The following VPS51 variants were observed in gnomAD, a reference collection of about 807,000 sequenced individuals.
VPS51 encodes VPS51 subunit of GARP complex, also known as vacuolar protein sorting-associated protein 51 homolog.
In VPS51, 55 loss-of-function variants were observed where a neutral mutation model predicts 65.1. The observed-to-expected ratio is 0.84, with a 90% confidence interval of 0.68 to 1.06. The LOEUF (loss-of-function observed/expected upper bound fraction) is 1.06. VPS51 is among the 50% of genes least tolerant of loss of function. VPS51 has a pLI of 0.00. For synonymous variants in VPS51, 473 were observed against 489.5 expected (o/e 0.97, Z 0.44); for missense variants, 943 against 1,101.6 (o/e 0.86, Z 2.04).
rs1294134692 is a variant in VPS51 at position 65,109,794 on chromosome 11, G to A, written c.1749G>A (p.Gln583=). The change falls in exon 7 of 10, where the codon CAG becomes CAA. Residue 583 remains glutamine, a synonymous_variant. Transcript: ENST00000279281. Reference sequence around the variant, plus strand: ...TGCTGACCCACTACGTGAAGGTGCAGGGCCTGGTCATATCACAGATGCTGC... The same window carrying A: ...TGCTGACCCACTACGTGAAGGTGCAAGGCCTGGTCATATCACAGATGCTGC... ...RRLLTHYVKV[Q]GLVISQMLRK... is the part of the protein sequence containing the mutation. The A allele has an allele frequency of 6.2e-7, 1 of 1,608,014 alleles. No homozygotes were observed. The highest frequency in any genetic ancestry group is 1.1e-5 in the South Asian group (1 of 89,714).
Position 65,100,550 on chromosome 11 carries a change from A to G in VPS51, c.358+3423A>G, listed in dbSNP as rs1328576963. 4.7e-5 allele frequency among the ~76,000 whole-genome samples: 3 copies of G among 64,348 alleles called. No homozygotes were observed. In the South Asian group the frequency reaches 1.5e-3, roughly 31 times the overall value. 42.2% of individuals were successfully genotyped at this position (64,348 alleles called of 152,430 possible). ...GTTTTTTTTTTTTTTTTTTTTTTTG[A>G]GATGGAGTCTAGCTCTGTCACCCAG... On this transcript the variant is annotated intron_variant, in intron 2 of 9. Coordinates refer to ENST00000279281, the MANE Select transcript of VPS51 (RefSeq NM_013265.4).
chr11:65,110,370 AC>A, intron 7 of VPS51, 111 bp from the exon 8 acceptor site: 1 of 1,569,000 alleles, frequency 6.4e-7, no homozygotes, highest in Non-Finnish European at 8.7e-7. Flanking sequence ...CGCGGTGATT[AC>A]CCTGTGATCC....
intron 2 of VPS51, among the ~76,000 whole-genome samples, chr11:65,104,841 C>T (rs918839684): frequency 2.6e-5 from 4 of 152,216 alleles, no homozygotes; most frequent in Non-Finnish European, 4.4e-5. Flanking sequence ...CAAGCCGCCG[C>T]AACACCCCTG....
chr11:65,108,224 G>A lies in VPS51; in HGVS notation c.753G>A (p.Gln251=), dbSNP rs761326997. The A allele has an allele frequency of 6.2e-7, 1 of 1,600,250 alleles. No homozygotes were observed. The highest frequency in any genetic ancestry group is 1.1e-5 in the South Asian group (1 of 89,496). The part of the protein sequence containing the change: ...FREGGSGAPE[Q]AECVELLLAL... Reference sequence around the variant, plus strand: ...AGGGCGGCTCAGGCGCCCCGGAGCAGGCAGAGTGCGTGGAGCTGCTGCTGG... The same window carrying A: ...AGGGCGGCTCAGGCGCCCCGGAGCAAGCAGAGTGCGTGGAGCTGCTGCTGG... The change falls in exon 5 of 10, where the codon CAG becomes CAA. Residue 251 remains glutamine, a synonymous_variant. Transcript: ENST00000279281.
intron 9 of VPS51, chr11:65,111,117 G>C (rs769996632): frequency 3.2e-5 from 26 of 808,122 alleles, no homozygotes; most frequent in Non-Finnish European, 3.1e-5. Context: ...CCAAGCTCAG[G>C]GATGCCTCTG....
chr11:65,111,471 G>A lies in VPS51; in HGVS notation c.2233G>A (p.Asp745Asn). The A allele has an allele frequency of 1.2e-6, 2 of 1,613,984 alleles. No homozygotes were observed. The highest frequency in any genetic ancestry group is 1.7e-6 in the Non-Finnish European group (2 of 1,180,042). Residue 745 changes from aspartate to asparagine, a missense_variant, in exon 10 of 10, where the codon GAC (aspartate) becomes AAC (asparagine). Transcript: ENST00000279281. Reference sequence around the variant, plus strand: ...GCTCTACCTGTGGCGTTTTGTGGCCGACGAAGAACTCGTGCACTTGCTGCT... The same window carrying A: ...GCTCTACCTGTGGCGTTTTGTGGCCAACGAAGAACTCGTGCACTTGCTGCT... ...LQLYLWRFVADEELVHLLLDE... is the reference protein window; with the variant it reads ...LQLYLWRFVANEELVHLLLDE...
At chr11:65,099,170 C>T (rs956259385) in intron 2 of VPS51, among the ~76,000 whole-genome samples, 4 of 151,870 alleles carry the variant, frequency 2.6e-5, no homozygotes, top group Non-Finnish European at 4.4e-5. Flanking sequence ...TAGACTTGGG[C>T]GAGACACTCA....
intron 2 of VPS51, among the ~76,000 whole-genome samples, chr11:65,106,066 T>C (rs1381758736): frequency 6.6e-6 from 1 of 152,230 alleles, no homozygotes; most frequent in Non-Finnish European, 1.5e-5. Context: ...CTGTTACAGA[T>C]ACACATTTCT....
rs576715501 is a variant in VPS51, at chr11:65,100,711, A to G, written c.358+3584A>G. On this transcript the variant is annotated intron_variant, in intron 2 of 9. Transcript: ENST00000279281. Reference sequence around the variant, plus strand: ...ACACCCGCCTAATTTTTTTATTTTTATTTTTTGTATATTTACTAGAGACGG... The same window carrying G: ...ACACCCGCCTAATTTTTTTATTTTTGTTTTTTGTATATTTACTAGAGACGG... 2.6e-5 allele frequency among the ~76,000 whole-genome samples: 4 copies of G among 151,548 alleles called. No homozygotes were observed. In the South Asian group the frequency reaches 8.3e-4, roughly 32 times the overall value.
intron 2 of VPS51, among the ~76,000 whole-genome samples, chr11:65,102,745 A>G (rs1947817264): frequency 6.6e-6 from 1 of 152,230 alleles, no homozygotes; most frequent in Non-Finnish European, 1.5e-5. Flanking sequence ...TCAGTAGCCC[A>G]TGATCCCTTT....
Position 65,107,413 on chromosome 11 carries a change from GCCC to G in VPS51, c.359-165_359-163del. On this transcript the variant is annotated intron_variant, in intron 2 of 9. Coordinates refer to ENST00000279281, the MANE Select transcript of VPS51 (RefSeq NM_013265.4). The surrounding 1 kb of genome is among the most constrained non-coding windows in gnomAD (Gnocchi z 4.0). ...TTTGGGAACATAAACCCCCTCCCCC[GCCC>G]CCATGTGCGCTGTGACCCACGCCCT... The G allele has an allele frequency of 1.9e-6, 1 of 533,362 alleles. No individual in the cohort carries two copies. The highest frequency in any genetic ancestry group is 1.9e-5 in the South Asian group (1 of 51,306). The allele number at this position is 533,362 out of a possible 1,614,324, so 33.0% of individuals were successfully genotyped here.
chr11:65,107,504 G>T lies in VPS51; in HGVS notation c.359-77G>T. The T allele has an allele frequency of 6.6e-7, 1 of 1,518,216 alleles. No homozygotes were observed. 94.0% of individuals were successfully genotyped at this position (1,518,216 alleles called of 1,614,324 possible). A position where few individuals can be genotyped will look rare whatever the true frequency, so the allele number is the denominator to read the frequency against. On this transcript the variant is annotated intron_variant, in intron 2 of 9. Transcript: ENST00000279281. This position sits in a 1 kb window ranked among gnomAD's most constrained non-coding sequence, Gnocchi z 4.0. The stretch of plus-strand genomic sequence containing the variant: ...AGCAAGCTGGGGCGTCTGTGAAGGG[G>T]TGGGTGAGAAGGAGCTGAGGTTGCG...
chr11:65,109,542 T>C (rs1314481185), intron 6 of VPS51, 47 bp downstream of exon 6: 1 of 1,594,954 alleles, frequency 6.3e-7, no homozygotes, highest in Admixed American at 1.7e-5. Context: ...TTGCTGGGAA[T>C]GCAGATGGCT....
chr11:65,109,666 C>G, intron 6 of VPS51, 39 bp from the exon 7 acceptor site: 3 of 1,534,998 alleles, frequency 2.0e-6, no homozygotes, highest in Non-Finnish European at 2.6e-6. Context: ...GCTGCCCCCA[C>G]CATACCCACT....
At chr11:65,097,498 C>G (rs192258372) in intron 2 of VPS51, among the ~76,000 whole-genome samples, 1 of 152,074 alleles carries the variant, frequency 6.6e-6, no homozygotes, top group African/African-American at 2.4e-5. Context: ...ACTGGGATTA[C>G]GGGTGTGAGT....
At position 65,111,709 on chromosome 11, in the gene VPS51, C is replaced by T. The variant is rs1014821776; in HGVS notation, c.*122C>T. ...CCTAATAAACATGTGTGGCCTCCTCCTCTCGCTTGCTGGGCGGGCCTTTCC... is the reference window on the plus strand; with the variant it reads ...CCTAATAAACATGTGTGGCCTCCTCTTCTCGCTTGCTGGGCGGGCCTTTCC... On this transcript the variant is annotated 3_prime_UTR_variant, in exon 10 of 10. Transcript: ENST00000279281. The T allele has an allele frequency of 2.2e-6, 3 of 1,393,926 alleles. No individual in the cohort carries two copies. The highest frequency in any genetic ancestry group is 2.9e-5 in the African/African-American group (2 of 68,872). 86.3% of individuals were successfully genotyped at this position (1,393,926 alleles called of 1,614,324 possible).
chr11:65,109,754 A>T lies in VPS51; in HGVS notation c.1709A>T (p.Glu570Val). 6.3e-7 allele frequency: 1 copy of T among 1,597,014 alleles called. No homozygotes were observed. Among genetic ancestry groups the T allele is most frequent in the Non-Finnish European group, 8.5e-7 (1 of 1,172,290 alleles). Residue 570 changes from glutamate to valine, a missense_variant, in exon 7 of 10, where the codon GAA becomes GTA. By Grantham distance (121) the Glu-to-Val change is moderately radical. Coordinates refer to ENST00000279281, the MANE Select transcript of VPS51 (RefSeq NM_013265.4). Reference sequence around the variant, plus strand: ...AGCACGCTGTGTGCAGAGGCCAGGGAAACGGCGCGGCGGCTGCTGACCCAC... The same window carrying T: ...AGCACGCTGTGTGCAGAGGCCAGGGTAACGGCGCGGCGGCTGCTGACCCAC... The part of the protein sequence containing the change: ...PVSTLCAEAR[E>V]TARRLLTHYV...
chr11:65,111,734 CG>C lies in VPS51; in HGVS notation c.*152del. ...CTCTCGCTTGCTGGGCGGGCCTTTC[CG>C]GGGGCGGGGTTTTGAAGCTGAGGCT... On this transcript the variant is annotated 3_prime_UTR_variant, in exon 10 of 10. Transcript: ENST00000279281. The C allele has an allele frequency of 7.5e-7, 1 of 1,339,100 alleles. No individual in the cohort carries two copies. The highest frequency in any genetic ancestry group is 9.9e-7 in the Non-Finnish European group (1 of 1,012,080). 83.0% of individuals were successfully genotyped at this position (1,339,100 alleles called of 1,614,324 possible). A position where few individuals can be genotyped will look rare whatever the true frequency, so the allele number is the denominator to read the frequency against.
chr11:65,103,918 G>T, intron 2 of VPS51, among the ~76,000 whole-genome samples: 1 of 150,090 alleles, frequency 6.7e-6, no homozygotes, highest in Non-Finnish European at 1.5e-5. Context: ...TTTTTTTAGG[G>T]CTTTCTATTT....
Sources: gnomAD v4.1 joint callset for allele counts (sites outside exome capture counted in the v4.1 genomes callset) on GRCh38, gnomAD v4.1.1 for gene constraint, Gnocchi (gnomAD v3.1) non-coding constraint, MANE v1.5 for transcripts, NCBI Gene and HGNC (gene_info 2026-07-23, HGNC 2026-07-21) for gene names.